The following FRMPD4 variants were observed in gnomAD, a reference collection of about 807,000 sequenced individuals.
The protein encoded by FRMPD4 is FERM and PDZ domain containing 4.
FRMPD4 carries 22 observed loss-of-function variants against 94.1 expected under a neutral mutation model. The ratio of observed to expected loss-of-function variants is 0.23; its 90% CI spans 0.17 to 0.33. The LOEUF is 0.33. FRMPD4 is among the 10% of genes least tolerant of loss of function. FRMPD4 has a pLI of 1.00. For missense variants in FRMPD4, 1,111 were observed against 1,339.9 expected (o/e 0.83, Z 2.67); for synonymous variants, 631 against 548.6 (o/e 1.15, Z -2.10).
At chrX:12,604,608 C>T (rs1602196029) in intron 2 of FRMPD4, among the ~76,000 whole-genome samples, 1 of 112,056 alleles carries the variant, frequency 8.9e-6, no homozygotes, top group African/African-American at 3.2e-5. Context: ...ATGTCTGAAA[C>T]GGACTCCTTT....
intron 3 of FRMPD4, among the ~76,000 whole-genome samples, chrX:11,976,945 T>G (rs2054370574): frequency 8.9e-6 from 1 of 112,146 alleles, no homozygotes; most frequent in African/African-American, 3.2e-5. Flanking sequence ...ATTTTTATTT[T>G]AATTTTCCAT....
chrX:12,539,869 G>C (rs1233304089), intron 2 of FRMPD4, among the ~76,000 whole-genome samples: 1 of 111,609 alleles, frequency 9.0e-6, no homozygotes, highest in East Asian at 2.8e-4. Context: ...CCTGACCTCA[G>C]GTGATCCACC....
chrX:12,470,681 A>T lies in FRMPD4; in HGVS notation c.42-27999A>T, dbSNP rs185941648. ...TTCAGATATAATTATAACAAATAAGATAGAAAATTCTCTCCAAAATTCCCT... is the reference window on the plus strand; with the variant it reads ...TTCAGATATAATTATAACAAATAAGTTAGAAAATTCTCTCCAAAATTCCCT... On this transcript the variant is annotated intron_variant, in intron 1 of 16. Transcript: ENST00000675598. 1.2e-4 allele frequency among the ~76,000 whole-genome samples: 14 copies of T among 112,165 alleles called. No individual in the cohort carries two copies. In the East Asian group the frequency reaches 3.9e-3, roughly 31 times the overall value.
chrX:12,574,828 T>C (rs773601605), intron 2 of FRMPD4, among the ~76,000 whole-genome samples: 3 of 112,293 alleles, frequency 2.7e-5, no homozygotes, highest in Non-Finnish European at 5.6e-5. Flanking sequence ...TAAATACACA[T>C]TGAAAGGTAG....
intron 1 of FRMPD4, among the ~76,000 whole-genome samples, chrX:12,245,030 T>C (rs1344425092): frequency 8.9e-6 from 1 of 112,750 alleles, no homozygotes; most frequent in Non-Finnish European, 1.9e-5. Context: ...TTTGTCAGAT[T>C]ACGAGGGTAG....
chrX:12,491,696 G>T (rs1230230607), intron 1 of FRMPD4, among the ~76,000 whole-genome samples: 1 of 112,404 alleles, frequency 8.9e-6, no homozygotes, highest in African/African-American at 3.2e-5. Context: ...TCCTGTGCCA[G>T]TATCATCATG....
At chrX:12,634,731 G>A (rs2059426590) in intron 4 of FRMPD4, among the ~76,000 whole-genome samples, 1 of 108,983 alleles carries the variant, frequency 9.2e-6, no homozygotes, top group Non-Finnish European at 1.9e-5. Flanking sequence ...TGAGCTACTG[G>A]TTTCCATTAT....
chrX:12,257,724 A>G (rs2054134185), intron 1 of FRMPD4, among the ~76,000 whole-genome samples: 1 of 111,720 alleles, frequency 9.0e-6, no homozygotes, highest in South Asian at 3.7e-4. Context: ...CAACTGAAAA[A>G]ATGAAAATCC....
At chrX:12,166,807 C>G (rs765754248) in intron 1 of FRMPD4, among the ~76,000 whole-genome samples, 2 of 111,761 alleles carry the variant, frequency 1.8e-5, no homozygotes, top group Admixed American at 1.9e-4. Context: ...GGAATTTATC[C>G]ATTTCTTCTA....
intron 1 of FRMPD4, among the ~76,000 whole-genome samples, chrX:12,166,626 G>A (rs1482168292): frequency 9.0e-6 from 1 of 111,517 alleles, no homozygotes; most frequent in Non-Finnish European, 1.9e-5. Flanking sequence ...AGAAGGAATG[G>A]TACCAGCTCC....
chrX:12,638,594 G>A (rs923698989), intron 4 of FRMPD4, among the ~76,000 whole-genome samples: 2 of 110,661 alleles, frequency 1.8e-5, no homozygotes, highest in East Asian at 5.7e-4. Flanking sequence ...TTGTATAATA[G>A]CTTAGTCCAC....
intron 3 of FRMPD4, among the ~76,000 whole-genome samples, chrX:11,974,375 C>T (rs2054356585): frequency 8.9e-6 from 1 of 111,957 alleles, no homozygotes; most frequent in South Asian, 3.8e-4. Context: ...GATTTTTGCA[C>T]ATGTCTGTTT....
At chrX:12,299,010 C>G (rs1364998123) in intron 1 of FRMPD4, among the ~76,000 whole-genome samples, 7 of 111,748 alleles carry the variant, frequency 6.3e-5, no homozygotes, top group Non-Finnish European at 1.3e-4. Flanking sequence ...AAACAACACC[C>G]AAGCAACAGT....
chrX:12,096,617 C>T (rs1045803448), intron 3 of FRMPD4, among the ~76,000 whole-genome samples: 1 of 111,945 alleles, frequency 8.9e-6, no homozygotes, highest in Non-Finnish European at 1.9e-5. Context: ...TGTGCAGTGG[C>T]TCATGCCTAT....
At chrX:12,497,633 T>C (rs2057866244) in intron 1 of FRMPD4, among the ~76,000 whole-genome samples, 1 of 111,314 alleles carries the variant, frequency 9.0e-6, no homozygotes, top group African/African-American at 3.3e-5. Context: ...TGTGAACACT[T>C]TTTTTCCAAC....
At chrX:12,027,343 T>C (rs1401094665) in intron 3 of FRMPD4, among the ~76,000 whole-genome samples, 2 of 112,336 alleles carry the variant, frequency 1.8e-5, no homozygotes, top group Non-Finnish European at 3.8e-5. Context: ...ATTCTTTATC[T>C]ATAGCTAGAG....
At position 12,717,048 on chromosome X, in the gene FRMPD4, G is replaced by A; in HGVS notation, c.2589G>A (p.Lys863=). 1.7e-6 allele frequency: 2 copies of A among 1,210,343 alleles called. No individual in the cohort carries two copies. Among genetic ancestry groups the A allele is most frequent in the Middle Eastern group, 2.3e-4 (1 of 4,348 alleles). ...VPTSAEGKCE[K]GLDNAVVSTL... is the part of the protein sequence containing the mutation. Reference sequence around the variant, plus strand: ...CCAGCGCCGAAGGCAAGTGTGAGAAGGGACTGGATAATGCCGTCGTCTCCA... The same window carrying A: ...CCAGCGCCGAAGGCAAGTGTGAGAAAGGACTGGATAATGCCGTCGTCTCCA... The change falls in exon 15 of 17, where the codon AAG becomes AAA. Residue 863 remains lysine (K), a synonymous_variant. Coordinates refer to ENST00000675598, the MANE Select transcript of FRMPD4 (RefSeq NM_001368397.1).
At chrX:12,088,764 C>T in intron 3 of FRMPD4, among the ~76,000 whole-genome samples, 2 of 112,354 alleles carry the variant, frequency 1.8e-5, no homozygotes. Flanking sequence ...GAGAATGTTG[C>T]TAATTTGCTC....
rs72300557 is a variant in FRMPD4 at position 12,451,733 on chromosome X, C to CGTGTGTGTGT, written c.42-46925_42-46916dup. Among the ~76,000 whole-genome samples, 312 of 98,826 alleles carry CGTGTGTGTGT rather than the reference C, an allele frequency of 3.2e-3. 1 individual carries two copies. Among genetic ancestry groups the CGTGTGTGTGT allele is most frequent in the Middle Eastern group, 0.01 (2 of 198 alleles). 85.8% of individuals were successfully genotyped at this position (98,826 alleles called of 115,157 possible). A position where few individuals can be genotyped will look rare whatever the true frequency, so the allele number is the denominator to read the frequency against. On this transcript the variant is annotated intron_variant, in intron 1 of 16. Transcript: ENST00000675598. ...ACCCTCAGTGATATGTGTGTATGCC[C>CGTGTGTGTGT]GTGTGTGTGTGTGTGTGTGTGTGTG...
Sources: allele counts gnomAD v4.1 joint callset (sites outside exome capture counted in the v4.1 genomes callset), GRCh38; gene constraint gnomAD v4.1.1; transcripts MANE v1.5; gene names NCBI Gene and HGNC (gene_info 2026-07-23, HGNC 2026-07-21).